The following CARD8 variants were observed in gnomAD, a reference collection of about 807,000 sequenced individuals.
CARD8 encodes the protein caspase recruitment domain family member 8.
In CARD8, 38 loss-of-function variants were observed where a neutral mutation model predicts 53.2. The observed-to-expected ratio is 0.71, with a 90% CI of 0.55 to 0.94. The LOEUF (loss-of-function observed/expected upper bound fraction) is 0.94, where lower values mean the gene tolerates loss of function less well. Ranked by LOEUF, CARD8 falls within the 40% of genes least tolerant of loss-of-function variation. CARD8 has a pLI of 0.00. For missense variants in CARD8, 561 were observed against 655.5 expected, an observed-to-expected ratio of 0.86 and a Z score of 1.57; for synonymous variants, 245 against 244.9, an observed-to-expected ratio of 1.00 and a Z score of 0.00.
Position 48,231,755 on chromosome 19 carries a change from A to G in CARD8, c.447T>C (p.Cys149=). The G allele has an allele frequency of 1.2e-6, 2 of 1,613,484 alleles. No homozygotes were observed. Among genetic ancestry groups the G allele is most frequent in the Non-Finnish European group, 1.7e-6 (2 of 1,179,672 alleles). Residue 149 remains cysteine (C), a synonymous_variant, in exon 8 of 14, where the codon TGT becomes TGC. Transcript: ENST00000651546. ...QIVSSYASKV[C]FEIEEDYKNR... ...TTTTATAATCTTCTTCGATCTCAAA[A>G]CAGACTTTAGAAGCATAAGAGGAAA...
chr19:48,252,021 G>A lies in CARD8; in HGVS notation c.-251-2174C>T, dbSNP rs549529909. ...AATCTGAGAAAAAATCAAGACTAGA[G>A]ATGATCACTGGAATTATTTCATCAT... is the stretch of plus-strand genomic sequence containing the variant. On this transcript the variant is annotated intron_variant, in intron 1 of 13. Coordinates refer to ENST00000651546, the MANE Select transcript of CARD8 (RefSeq NM_001184900.3). 3.9e-5 allele frequency among the ~76,000 whole-genome samples: 6 copies of A among 152,216 alleles called. No individual in the cohort carries two copies. The East Asian group carries it at 1.2e-3, about 29-fold the overall frequency.
chr19:48,238,779 A>G (rs917232290), intron 4 of CARD8, among the ~76,000 whole-genome samples: 2 of 152,040 alleles, frequency 1.3e-5, no homozygotes, highest in Admixed American at 1.3e-4. Flanking sequence ...CCTTAGAGAT[A>G]CTATCCTTAG....
In CARD8 at chr19:48,223,049, A is replaced by G. The variant is rs141324972; in HGVS notation, c.1036-1194T>C. ...CCAGGTGCAGTGGCTTATGCCTGTAATCCCAGCACTTTGGGAGGCCGAGGC... is the reference window on the plus strand; with the variant it reads ...CCAGGTGCAGTGGCTTATGCCTGTAGTCCCAGCACTTTGGGAGGCCGAGGC... On this transcript the variant is annotated intron_variant, in intron 10 of 13. Coordinates refer to ENST00000651546, the MANE Select transcript of CARD8 (RefSeq NM_001184900.3). 1.7e-4 allele frequency among the ~76,000 whole-genome samples: 26 copies of G among 152,306 alleles called. 1 individual carries two copies. The East Asian group carries it at 4.1e-3, about 24-fold the overall frequency.
intron 3 of CARD8, among the ~76,000 whole-genome samples, chr19:48,243,584 C>T (rs7260150): frequency 3.3e-5 from 5 of 152,152 alleles, no homozygotes; most frequent in African/African-American, 4.8e-5. Context: ...TTTGTTATAA[C>T]GAACACTTTT....
chr19:48,211,975 C>T lies in CARD8; in HGVS notation c.1349G>A (p.Gly450Asp). The change falls in exon 14 of 14, where the codon GGT becomes GAT. Residue 450 changes from glycine (G) to aspartate (D), a missense_variant and splice_region_variant. Gly to Asp is a moderately conservative substitution (Grantham distance 94). Transcript: ENST00000651546. ...VAASAPPPFS[G>D]AAFVKENHRQ... The stretch of plus-strand genomic sequence containing the variant: ...GTGGTTCTCCTTCACAAAGGCTGCA[C>T]CTGGATGAAAGGGGGAGTTTCAGAC... 2.5e-6 allele frequency: 4 copies of T among 1,612,528 alleles called. No homozygotes were observed. Among genetic ancestry groups the T allele is most frequent in the Non-Finnish European group, 3.4e-6 (4 of 1,178,998 alleles).
chr19:48,221,717 G>C lies in CARD8; in HGVS notation c.1161+13C>G, dbSNP rs754081264. The C allele has an allele frequency of 6.5e-7, 1 of 1,527,862 alleles. No homozygotes were observed. Among genetic ancestry groups the C allele is most frequent in the Non-Finnish European group, 8.9e-7 (1 of 1,124,548 alleles). 94.6% of individuals were successfully genotyped at this position (1,527,862 alleles called of 1,614,324 possible). On this transcript the variant is annotated intron_variant, in intron 11 of 13. Coordinates refer to ENST00000651546, the MANE Select transcript of CARD8 (RefSeq NM_001184900.3). ...CTCTGAAACCTGCTGAGTTGGGTTT[G>C]AATTCTACTAACCTTGGGCATTACT...
intron 3 of CARD8, among the ~76,000 whole-genome samples, chr19:48,242,025 C>T (rs964845271): frequency 6.6e-6 from 1 of 152,164 alleles, no homozygotes; most frequent in Non-Finnish European, 1.5e-5. Context: ...CAGGCACCCA[C>T]GCATCCACCT....
At chr19:48,240,916 G>C (rs888664839) in intron 4 of CARD8, 46 bp downstream of exon 4, 29 of 1,434,204 alleles carry the variant, frequency 2.0e-5, no homozygotes, top group Non-Finnish European at 2.8e-5. Context: ...ACGAAACACA[G>C]AAGAATCAGC....
chr19:48,228,602 T>A (rs183897476), intron 10 of CARD8, among the ~76,000 whole-genome samples: 181 of 152,232 alleles, frequency 1.2e-3, no homozygotes, highest in Admixed American at 3.6e-3. Flanking sequence ...TACATGGAGC[T>A]GTTGATCCAT....
At chr19:48,232,580 G>C in intron 6 of CARD8, 87 bp from the exon 7 acceptor site, 1 of 1,127,050 alleles carries the variant, frequency 8.9e-7, no homozygotes, top group East Asian at 2.6e-5. Context: ...TTGAAAACTA[G>C]AGCTGCACTG....
chr19:48,223,939 GAATAGAAA>G (rs1462941205), intron 10 of CARD8: 21 of 451,576 alleles, frequency 4.7e-5, no homozygotes, highest in African/African-American at 4.2e-4. Flanking sequence ...CAGTACTGTT[GAATAGAAA>G]TGTACTGCAA....
At chr19:48,232,292 C>T (rs1600429359) in intron 7 of CARD8, among the ~76,000 whole-genome samples, 161 bp downstream of exon 7, 1 of 152,240 alleles carries the variant, frequency 6.6e-6, no homozygotes, top group East Asian at 1.9e-4. Flanking sequence ...CAGTGACAGG[C>T]TTACATGTCC....
At chr19:48,253,081 C>T (rs941557585) in intron 1 of CARD8, among the ~76,000 whole-genome samples, 3 of 151,972 alleles carry the variant, frequency 2.0e-5, no homozygotes, top group African/African-American at 7.3e-5. Context: ...ACAGATAAAA[C>T]ATAATAGCAC....
At chr19:48,248,166 T>C (rs2046417371) in intron 3 of CARD8, among the ~76,000 whole-genome samples, 1 of 152,194 alleles carries the variant, frequency 6.6e-6, no homozygotes, top group African/African-American at 2.4e-5. Flanking sequence ...AATTCTTGTA[T>C]AGTATTTTAT....
intron 10 of CARD8, among the ~76,000 whole-genome samples, chr19:48,222,248 G>A (rs75869571): frequency 2.6e-5 from 4 of 152,230 alleles, no homozygotes; most frequent in African/African-American, 4.8e-5. Flanking sequence ...AGCTGTGTCT[G>A]TGAACACGTC....
chr19:48,221,888 A>C (rs1304348586), intron 10 of CARD8, 33 bp from the exon 11 acceptor site: 1 of 1,543,158 alleles, frequency 6.5e-7, no homozygotes, highest in Non-Finnish European at 8.8e-7. Context: ...ATTAGAGAGC[A>C]CAAAAAATAG....
At chr19:48,231,945 G>A in intron 7 of CARD8, 135 bp from the exon 8 acceptor site, 1 of 775,470 alleles carries the variant, frequency 1.3e-6, no homozygotes, top group East Asian at 2.6e-5. Flanking sequence ...ACCAGAATAT[G>A]CAGTTTCGCT....
chr19:48,245,761 A>C (rs765421936), intron 3 of CARD8, among the ~76,000 whole-genome samples: 24 of 148,880 alleles, frequency 1.6e-4, no homozygotes, highest in Non-Finnish European at 2.5e-4. Flanking sequence ...TATTATATAT[A>C]AAATAATTGT....
rs1477963274 is a variant in CARD8 at position 48,209,520 on chromosome 19, G to A, written c.*2190C>T. 1.3e-5 allele frequency: 2 copies of A among 151,976 alleles called. No individual in the cohort carries two copies. The highest frequency in any genetic ancestry group is 3.9e-4 in the East Asian group (2 of 5,194). 9.4% of individuals were successfully genotyped at this position (151,976 alleles called of 1,614,324 possible). On this transcript the variant is annotated 3_prime_UTR_variant, in exon 14 of 14. Coordinates refer to ENST00000651546, the MANE Select transcript of CARD8 (RefSeq NM_001184900.3). ...TAGACAAATTAAAATTACCCAATCAGAATAATGGAAAAAATGAAAAGATGT... is the reference window on the plus strand; with the variant it reads ...TAGACAAATTAAAATTACCCAATCAAAATAATGGAAAAAATGAAAAGATGT...
Sources: allele counts gnomAD v4.1 joint callset (sites outside exome capture counted in the v4.1 genomes callset), GRCh38; gene constraint gnomAD v4.1.1; transcripts MANE v1.5; gene names NCBI Gene and HGNC (gene_info 2026-07-23, HGNC 2026-07-21).